The following ZNF7 variants were observed in gnomAD, a reference collection of about 807,000 sequenced individuals.
ZNF7 encodes zinc finger protein 7.
ZNF7 carries 10 observed loss-of-function variants against 12.0 expected under a neutral mutation model. The ratio of observed to expected loss-of-function variants is 0.83; its 90% confidence interval spans 0.51 to 1.42. The LOEUF (loss-of-function observed/expected upper bound fraction) is 1.42, where lower values mean the gene tolerates loss of function less well. ZNF7 is among the 40% of genes most tolerant of loss of function. The pLI, the probability that ZNF7 is intolerant of heterozygous loss-of-function variation, is 0.00. For missense variants in ZNF7, 854 were observed against 837.2 expected, an observed-to-expected ratio of 1.02 and a Z score of -0.25; for synonymous variants, 334 against 295.0, an observed-to-expected ratio of 1.13 and a Z score of -1.35.
In ZNF7 at chr8:144,829,616, C is replaced by T. The variant is rs976640476; in HGVS notation, c.130+12C>T. ...TGTGGCTGGACTAGGTGAGGCTGCA[C>T]CTTGGGGCCCCTTCCCCTGCATCAT... On this transcript the variant is annotated intron_variant, in intron 3 of 4. Transcript: ENST00000532777. 1.3e-6 allele frequency: 2 copies of T among 1,594,780 alleles called. No individual in the cohort carries two copies. Among genetic ancestry groups the T allele is most frequent in the Non-Finnish European group, 1.7e-6 (2 of 1,166,984 alleles).
chr8:144,845,891 G>A (rs1830485540), downstream of ZNF7: 1 of 1,350,104 alleles, frequency 7.4e-7, no homozygotes, highest in Admixed American at 2.2e-5. Context: ...CGTGGCTGCT[G>A]AGAAGGGTCT....
intron 4 of ZNF7, 166 bp from the exon 5 acceptor site, chr8:144,841,189 T>A (rs1345606606): frequency 1.1e-5 from 8 of 702,554 alleles, no homozygotes; most frequent in Non-Finnish European, 1.9e-5. Context: ...AAACCACTTT[T>A]GAGAACTGTC....
intron 4 of ZNF7, among the ~76,000 whole-genome samples, chr8:144,840,244 C>T (rs1283607324): frequency 1.3e-5 from 2 of 152,238 alleles, no homozygotes; most frequent in African/African-American, 2.4e-5. Flanking sequence ...CTCCTGTCCT[C>T]ACAGGCCTTG....
chr8:144,843,963 T>C (rs1398936882), downstream of ZNF7, among the ~76,000 whole-genome samples: 1 of 152,186 alleles, frequency 6.6e-6, no homozygotes, highest in South Asian at 2.1e-4. Flanking sequence ...GGCCCAGCCC[T>C]ATCCCCTTCC....
rs1439860130 is a variant in ZNF7 at position 144,843,622 on chromosome 8, A to G, written c.*454A>G. The G allele has an allele frequency of 1.3e-5, 2 of 152,506 alleles. No homozygotes were observed. The highest frequency in any genetic ancestry group is 4.8e-5 in the African/African-American group (2 of 41,302). 9.4% of individuals were successfully genotyped at this position (152,506 alleles called of 1,614,324 possible). ...AAAAAAAAAAAAAATCCAACTTCATACAAAATGTATGTTTATTTCCTGAAA... is the reference window on the plus strand; with the variant it reads ...AAAAAAAAAAAAAATCCAACTTCATGCAAAATGTATGTTTATTTCCTGAAA... On this transcript the variant is annotated 3_prime_UTR_variant, in exon 5 of 5. Transcript: ENST00000532777.
intron 1 of ZNF7, chr8:144,828,201 A>T (rs907602976): frequency 6.6e-6 from 1 of 151,052 alleles, no homozygotes; most frequent in African/African-American, 2.4e-5. Flanking sequence ...CCATACGAAG[A>T]CTCTTTTTCC....
rs1830121903 is a variant in ZNF7 at position 144,842,809 on chromosome 8, C to G, written c.1702C>G (p.Leu568Val). 1 of 1,614,200 alleles carries G rather than the reference C, an allele frequency of 6.2e-7. No individual in the cohort carries two copies. The highest frequency in any genetic ancestry group is 1.1e-5 in the South Asian group (1 of 91,072). Residue 568 changes from leucine to valine, a missense_variant, in exon 5 of 5, where the codon CTT becomes GTT. Transcript: ENST00000532777. ...GAAAGCCTTCAGTCAAAACTCAACCCTTTTCCAACACCAGATAATTCATGC... is the reference window on the plus strand; with the variant it reads ...GAAAGCCTTCAGTCAAAACTCAACCGTTTTCCAACACCAGATAATTCATGC... ...CGKAFSQNST[L>V]FQHQIIHAGV...
At chr8:144,838,519 C>G (rs1829361154) in intron 4 of ZNF7, 1 of 196,316 alleles carries the variant, frequency 5.1e-6, no homozygotes, top group Non-Finnish European at 1.0e-5. Context: ...AAGGAAGCCC[C>G]TCACCTCCCT....
intron 1 of ZNF7, among the ~76,000 whole-genome samples, chr8:144,828,333 A>G (rs542275432): frequency 9.8e-5 from 15 of 152,300 alleles, no homozygotes; most frequent in African/African-American, 3.4e-4. Context: ...GCGACAGGTG[A>G]GCTGGAGACT....
intron 3 of ZNF7, among the ~76,000 whole-genome samples, chr8:144,831,579 C>A (rs1488258712): frequency 1.3e-5 from 2 of 151,794 alleles, no homozygotes; most frequent in Non-Finnish European, 2.9e-5. Context: ...GTCAGGAGAT[C>A]GAGACCATCC....
At position 144,843,302 on chromosome 8, in the gene ZNF7, A is replaced by G. The variant is rs2130732430; in HGVS notation, c.*134A>G. The stretch of plus-strand genomic sequence containing the variant: ...TCAGAATTGCTCTCAAGAATATCCA[A>G]CTTCAGGCCGAGTGTGGTGGCTTAT... On this transcript the variant is annotated 3_prime_UTR_variant, in exon 5 of 5. Transcript: ENST00000532777. 4.3e-6 allele frequency: 5 copies of G among 1,161,038 alleles called. No homozygotes were observed. The highest frequency in any genetic ancestry group is 5.5e-4 in the Middle Eastern group (2 of 3,624). 71.9% of individuals were successfully genotyped at this position (1,161,038 alleles called of 1,614,324 possible).
intron 4 of ZNF7, 132 bp from the exon 5 acceptor site, chr8:144,841,223 G>A (rs1350015499): frequency 2.0e-5 from 18 of 894,144 alleles, no homozygotes; most frequent in Non-Finnish European, 2.7e-5. Context: ...TCTCTTGCAC[G>A]TTTCCACCTG....
chr8:144,831,802 C>T (rs1828492207), intron 3 of ZNF7, among the ~76,000 whole-genome samples: 1 of 93,552 alleles, frequency 1.1e-5, no homozygotes, highest in African/African-American at 3.3e-5. Flanking sequence ...AAAAAAAAGA[C>T]TATCTTAGAA....
In ZNF7 at chr8:144,843,460, C is replaced by A. The variant is rs549963232; in HGVS notation, c.*292C>A. The stretch of plus-strand genomic sequence containing the variant: ...AAATTTAGCTGGGCGTGGTGGCAGG[C>A]ACCTGTGGTCCCAGCTGCTCGGGAG... On this transcript the variant is annotated 3_prime_UTR_variant, in exon 5 of 5. Transcript: ENST00000532777. 6.3e-5 allele frequency: 15 copies of A among 238,594 alleles called. No individual in the cohort carries two copies. Among genetic ancestry groups the A allele is most frequent in the Non-Finnish European group, 1.2e-4 (15 of 124,218 alleles). 14.8% of individuals were successfully genotyped at this position (238,594 alleles called of 1,614,324 possible). A position where few individuals can be genotyped will look rare whatever the true frequency, so the allele number is the denominator to read the frequency against.
chr8:144,827,848 C>G lies in ZNF7; in HGVS notation c.-46+239C>G, dbSNP rs186424922. ...TTTGGCCGAGTCTCGCAGCTCCCCG[C>G]AGACCCCGCTCGTGGCGGCCACGGT... On this transcript the variant is annotated intron_variant, in intron 1 of 4. Coordinates refer to ENST00000532777, the MANE Select transcript of ZNF7 (RefSeq NM_003416.4). 255 of 242,212 alleles carry G rather than the reference C, an allele frequency of 1.1e-3. 1 individual carries two copies. Among genetic ancestry groups the G allele is most frequent in the African/African-American group, 4.7e-3 (205 of 43,192 alleles). 15.0% of individuals were successfully genotyped at this position (242,212 alleles called of 1,614,324 possible).
rs552121751 is a variant in ZNF7, at chr8:144,828,552, A to C, written c.-45-491A>C. ...CTTGCTTCAGGCCCTTTCACATGCT[A>C]TTCCTGCTGCCTGGAGTGCTCTCTC... On this transcript the variant is annotated intron_variant, in intron 1 of 4. Coordinates refer to ENST00000532777, the MANE Select transcript of ZNF7 (RefSeq NM_003416.4). 7.2e-5 allele frequency among the ~76,000 whole-genome samples: 11 copies of C among 152,152 alleles called. No individual in the cohort carries two copies. The South Asian group carries it at 2.3e-3, about 32-fold the overall frequency.
In ZNF7 at chr8:144,843,074, A is replaced by T. The variant is rs756569220; in HGVS notation, c.1967A>T (p.His656Leu). ...CACCTAATTATACACCAGAGAATTC[A>T]CACCGGGGAGAAGCCTTATAAATGC... ...RSHLIIHQRIHTGEKPYKCND... is the reference protein window; with the variant it reads ...RSHLIIHQRILTGEKPYKCND... Residue 656 changes from histidine (H) to leucine (L), a missense_variant, in exon 5 of 5, where the codon CAC (histidine) becomes CTC (leucine). Coordinates refer to ENST00000532777, the MANE Select transcript of ZNF7 (RefSeq NM_003416.4). 1.5e-5 allele frequency: 24 copies of T among 1,613,920 alleles called. No individual in the cohort carries two copies. The highest frequency in any genetic ancestry group is 1.9e-5 in the Non-Finnish European group (22 of 1,180,000).
chr8:144,834,411 C>T (rs934531149), intron 3 of ZNF7: 1 of 152,208 alleles, frequency 6.6e-6, no homozygotes, highest in Admixed American at 6.5e-5. Context: ...CAGTGTTAAA[C>T]AGGACCGTGT....
chr8:144,845,831 G>A (rs924653819), downstream of ZNF7: 41 of 739,380 alleles, frequency 5.5e-5, no homozygotes, highest in East Asian at 2.7e-4. Context: ...TACTCACACC[G>A]GAACTTCTGT....
Sources: allele counts gnomAD v4.1 joint callset (sites outside exome capture counted in the v4.1 genomes callset), GRCh38; gene constraint gnomAD v4.1.1; transcripts MANE v1.5; gene names NCBI Gene and HGNC (gene_info 2026-07-23, HGNC 2026-07-21).